The following EXOC4 variants were observed in gnomAD, a reference collection of about 807,000 sequenced individuals.
The protein encoded by EXOC4 is SEC8-like 1.
In EXOC4, 71 loss-of-function variants were observed where a neutral mutation model predicts 107.2. The ratio of observed to expected loss-of-function variants is 0.66; its 90% confidence interval spans 0.55 to 0.81. The LOEUF is 0.81. Ranked by LOEUF, EXOC4 falls within the 30% of genes least tolerant of loss-of-function variation. The pLI is 0.00. For missense variants in EXOC4, 1,108 were observed against 1,189.6 expected, an observed-to-expected ratio of 0.93 and a Z score of 1.01; for synonymous variants, 456 against 441.2, an observed-to-expected ratio of 1.03 and a Z score of -0.42.
chr7:133,305,192 C>G (rs1794725042), intron 3 of EXOC4, among the ~76,000 whole-genome samples: 1 of 151,630 alleles, frequency 6.6e-6, no homozygotes, highest in Admixed American at 6.6e-5. Flanking sequence ...TTTGATTTAT[C>G]CAGTCCTTTT....
intron 9 of EXOC4, among the ~76,000 whole-genome samples, chr7:133,605,091 G>A (rs942354667): frequency 6.6e-6 from 1 of 152,054 alleles, no homozygotes; most frequent in Non-Finnish European, 1.5e-5. Flanking sequence ...TTCATAGGTT[G>A]TTAGGTATTC....
At chr7:133,776,751 AC>A (rs1446020195) in intron 10 of EXOC4, among the ~76,000 whole-genome samples, 2 of 152,220 alleles carry the variant, frequency 1.3e-5, no homozygotes, top group Non-Finnish European at 2.9e-5. Flanking sequence ...TGGAAGAAGT[AC>A]AGAAACCTAT....
chr7:133,439,334 G>A (rs182422406), intron 7 of EXOC4, among the ~76,000 whole-genome samples: 3,543 of 151,718 alleles, frequency 0.023, 359 homozygotes, highest in Admixed American at 0.18. Context: ...ACAGGCCCCC[G>A]CCACCACGCC....
At chr7:133,277,596 A>T (rs751036742) in intron 2 of EXOC4, among the ~76,000 whole-genome samples, 2 of 152,238 alleles carry the variant, frequency 1.3e-5, no homozygotes, top group African/African-American at 4.8e-5. Context: ...AGTATGCCAG[A>T]GTTTTGAGCA....
At chr7:134,079,198 T>C in the EXOC4 span, among the ~76,000 whole-genome samples, 30 of 152,310 alleles carry the variant, frequency 2.0e-4, no homozygotes, top group Non-Finnish European at 4.0e-4. Flanking sequence ...AAACATCCTC[T>C]TCCAACCTGC....
At chr7:133,521,449 T>C (rs1584974877) in intron 9 of EXOC4, among the ~76,000 whole-genome samples, 1 of 152,176 alleles carries the variant, frequency 6.6e-6, no homozygotes, top group East Asian at 1.9e-4. Flanking sequence ...TTGGAAAGTA[T>C]TTATTTGTTA....
chr7:134,064,488 T>A lies in EXOC4; in HGVS notation c.2885T>A (p.Ile962Asn). The A allele has an allele frequency of 6.2e-7, 1 of 1,606,080 alleles. No individual in the cohort carries two copies. Among genetic ancestry groups the A allele is most frequent in the Non-Finnish European group, 8.5e-7 (1 of 1,175,874 alleles). Residue 962 changes from isoleucine to asparagine, a missense_variant, in exon 18 of 18, where the codon ATC becomes AAC. By Grantham distance (149) the Ile-to-Asn change is moderately radical (BLOSUM62 -3). Transcript: ENST00000253861. The part of the protein sequence containing the change: ...LKEIICEQAA[I>N]KQATKDKKIT... ...GAGATCATCTGCGAGCAGGCTGCCA[T>A]CAAGCAAGCCACCAAGGACAAGAAG...
chr7:133,558,185 CCTTCT>C lies in EXOC4; in HGVS notation c.1418-71856_1418-71852del, dbSNP rs1019557184. On this transcript the variant is annotated intron_variant, in intron 9 of 17. Transcript: ENST00000253861. ...GGAAATGCTAGCTGGTATTTTGGTT[CCTTCT>C]CTTTTCTTTTCTTTTCTTTTCTTTT... 1.1e-4 allele frequency among the ~76,000 whole-genome samples: 10 copies of C among 91,490 alleles called. No individual in the cohort carries two copies. In the East Asian group the frequency reaches 1.3e-3, roughly 12 times the overall value. 60.0% of individuals were successfully genotyped at this position (91,490 alleles called of 152,430 possible). A position where few individuals can be genotyped will look rare whatever the true frequency, so the allele number is the denominator to read the frequency against.
chr7:133,550,931 A>G (rs894237221), intron 9 of EXOC4, among the ~76,000 whole-genome samples: 4 of 151,844 alleles, frequency 2.6e-5, no homozygotes, highest in Admixed American at 1.3e-4. Flanking sequence ...CAGTCAGCAA[A>G]AAGTTCTTAC....
At chr7:133,713,563 A>G (rs1458774163) in intron 10 of EXOC4, among the ~76,000 whole-genome samples, 6 of 152,200 alleles carry the variant, frequency 3.9e-5, no homozygotes, top group Admixed American at 3.3e-4. Flanking sequence ...AAGGTATTTG[A>G]TATGGTTAGG....
intron 10 of EXOC4, among the ~76,000 whole-genome samples, chr7:133,743,902 G>A (rs1795621327): frequency 6.6e-6 from 1 of 152,080 alleles, no homozygotes; most frequent in Admixed American, 6.6e-5. Flanking sequence ...GCCTCCTAGG[G>A]GAAGGAGAAA....
chr7:134,014,803 AAAAG>A (rs1794863731), intron 17 of EXOC4, among the ~76,000 whole-genome samples: 1 of 152,220 alleles, frequency 6.6e-6, no homozygotes, highest in South Asian at 2.1e-4. Flanking sequence ...GTTTAAAAAA[AAAAG>A]AGGTTGAGTT....
chr7:134,085,516 A>T, the EXOC4 span, among the ~76,000 whole-genome samples: 1 of 152,210 alleles, frequency 6.6e-6, no homozygotes, highest in Non-Finnish European at 1.5e-5. Flanking sequence ...TGAAAACAGC[A>T]GCTCTGCAAT....
chr7:133,980,894 T>C (rs1407942115), intron 14 of EXOC4, among the ~76,000 whole-genome samples: 1 of 152,206 alleles, frequency 6.6e-6, no homozygotes, highest in Non-Finnish European at 1.5e-5. Flanking sequence ...TATAGTCATA[T>C]ATTATTAACC....
chr7:133,661,363 A>G (rs1217737080), intron 10 of EXOC4, among the ~76,000 whole-genome samples: 1 of 152,126 alleles, frequency 6.6e-6, no homozygotes, highest in African/African-American at 2.4e-5. Flanking sequence ...GATTTTATAC[A>G]TTTTAGCAAC....
At chr7:134,015,117 C>T (rs1794871125) in intron 17 of EXOC4, among the ~76,000 whole-genome samples, 1 of 152,186 alleles carries the variant, frequency 6.6e-6, no homozygotes, top group South Asian at 2.1e-4. Flanking sequence ...GAGTCATCAT[C>T]AGGCCTGAAG....
chr7:133,373,952 A>C (rs1796431903), intron 6 of EXOC4, among the ~76,000 whole-genome samples: 1 of 152,206 alleles, frequency 6.6e-6, no homozygotes, highest in Admixed American at 6.5e-5. Flanking sequence ...GGCTCATGTG[A>C]TAAGTTCCTT....
intron 9 of EXOC4, among the ~76,000 whole-genome samples, chr7:133,543,523 A>G (rs1251699129): frequency 6.6e-6 from 1 of 152,014 alleles, no homozygotes; most frequent in South Asian, 2.1e-4. Flanking sequence ...CCTTCATACA[A>G]CAAGCTTTCA....
At chr7:133,545,976 T>C (rs1800472554) in intron 9 of EXOC4, among the ~76,000 whole-genome samples, 1 of 152,208 alleles carries the variant, frequency 6.6e-6, no homozygotes, top group African/African-American at 2.4e-5. Flanking sequence ...TTTAACTTGC[T>C]CTTGGATTGG....
Sources: allele counts gnomAD v4.1 joint callset (sites outside exome capture counted in the v4.1 genomes callset), GRCh38; gene constraint gnomAD v4.1.1; transcripts MANE v1.5; gene names NCBI Gene and HGNC (gene_info 2026-07-23, HGNC 2026-07-21).